GPD1L: variants seen among roughly 807,000 people sequenced by gnomAD.
GPD1L encodes glycerol-3-phosphate dehydrogenase 1 like, also known as glycerol-3-phosphate dehydrogenase 1-like protein.
A neutral mutation model predicts 32.9 loss-of-function variants in GPD1L; 17 were observed. That is an observed-to-expected ratio of 0.52 (90% CI 0.35 to 0.78). The LOEUF (loss-of-function observed/expected upper bound fraction) is 0.78. GPD1L is among the 30% of genes least tolerant of loss of function. The pLI, the probability that GPD1L is intolerant of heterozygous loss-of-function variation, is 0.01. For missense variants in GPD1L, 361 were observed against 447.8 expected, an observed-to-expected ratio of 0.81 and a Z score of 1.75; for synonymous variants, 187 against 165.9, an observed-to-expected ratio of 1.13 and a Z score of -0.98.
At chr3:32,150,729 G>A (rs948493998) in intron 5 of GPD1L, among the ~76,000 whole-genome samples, 2 of 151,910 alleles carry the variant, frequency 1.3e-5, no homozygotes, top group Non-Finnish European at 2.9e-5. Flanking sequence ...TATTACATCT[G>A]TAATGTACGT....
chr3:32,133,811 A>G (rs1300647233), intron 2 of GPD1L, among the ~76,000 whole-genome samples: 3 of 152,256 alleles, frequency 2.0e-5, no homozygotes, highest in African/African-American at 4.8e-5. Flanking sequence ...CATTGAGCAC[A>G]CACTGTGGAC....
intron 5 of GPD1L, 155 bp from the exon 6 acceptor site, chr3:32,158,721 C>T: frequency 6.7e-7 from 1 of 1,496,646 alleles, no homozygotes; most frequent in South Asian, 1.3e-5. Context: ...ATCTCTTTCA[C>T]CCAGGTGTAC....
At chr3:32,151,846 C>T (rs2125493873) in intron 5 of GPD1L, 1 of 153,054 alleles carries the variant, frequency 6.5e-6, no homozygotes, top group Admixed American at 6.5e-5. Context: ...TCTAAAAGGC[C>T]TGGAGAACAT....
At chr3:32,161,076 A>G (rs750864345) in intron 7 of GPD1L, among the ~76,000 whole-genome samples, 1 of 151,878 alleles carries the variant, frequency 6.6e-6, no homozygotes, top group Admixed American at 6.6e-5. Flanking sequence ...TGTTGTTGCT[A>G]TTATCTCTGG....
intron 1 of GPD1L, among the ~76,000 whole-genome samples, chr3:32,125,469 C>T (rs1700492961): frequency 6.6e-6 from 1 of 152,170 alleles, no homozygotes; most frequent in Admixed American, 6.5e-5. Flanking sequence ...TTTTGCTTCT[C>T]AGCGGGGTTT....
At chr3:32,163,234 T>G (rs1701096917) in intron 7 of GPD1L, among the ~76,000 whole-genome samples, 1 of 138,288 alleles carries the variant, frequency 7.2e-6, no homozygotes, top group African/African-American at 2.7e-5. Flanking sequence ...AGTGGCACGA[T>G]CTTGGCTCAC....
intron 2 of GPD1L, among the ~76,000 whole-genome samples, chr3:32,129,390 T>C (rs1460700097): frequency 6.6e-6 from 1 of 152,164 alleles, no homozygotes; most frequent in Non-Finnish European, 1.5e-5. Context: ...TGTGGGGAAG[T>C]TTTAGTTACA....
chr3:32,107,688 A>G (rs1167450701), intron 1 of GPD1L, among the ~76,000 whole-genome samples: 6 of 152,188 alleles, frequency 3.9e-5, no homozygotes. Context: ...GTGCTGCAGC[A>G]GCTGGTCCTA....
intron 1 of GPD1L, among the ~76,000 whole-genome samples, chr3:32,117,978 A>T (rs1303608501): frequency 1.3e-5 from 2 of 152,188 alleles, no homozygotes; most frequent in African/African-American, 4.8e-5. Context: ...CCATTTTTGT[A>T]CAGGCTGACA....
chr3:32,115,787 TTTTTTTTTTTTTTTTTTTTG>T lies in GPD1L; in HGVS notation c.47+9030_47+9049del, dbSNP rs1700325284. Among the ~76,000 whole-genome samples the T allele has an allele frequency of 3.2e-4, 18 of 57,016 alleles. 2 individuals carry two copies. Among genetic ancestry groups the T allele is most frequent in the South Asian group, 8.9e-4 (1 of 1,118 alleles). 37.4% of individuals were successfully genotyped at this position (57,016 alleles called of 152,430 possible). On this transcript the variant is annotated intron_variant, in intron 1 of 7. Transcript: ENST00000282541. ...TTTTTTTTTTTTTTTTTTTTTTTTT[TTTTTTTTTTTTTTTTTTTTG>T]AGACGGAGTCTCGCTCTGTTGCACA... is the stretch of plus-strand genomic sequence containing the variant.
At chr3:32,120,435 C>T (rs1700395631) in intron 1 of GPD1L, among the ~76,000 whole-genome samples, 1 of 152,154 alleles carries the variant, frequency 6.6e-6, no homozygotes, top group Non-Finnish European at 1.5e-5. Context: ...AATAGGATTT[C>T]AGCATGTTTC....
chr3:32,106,782 C>G lies in GPD1L; in HGVS notation c.47+24C>G. Reference sequence around the variant, plus strand: ...TGGTGAGCGGCGGCGGGCTGGAGGCCGGGGCTCCGCTTCCAGGAAGCGCCT... The same window carrying G: ...TGGTGAGCGGCGGCGGGCTGGAGGCGGGGGCTCCGCTTCCAGGAAGCGCCT... On this transcript the variant is annotated intron_variant, in intron 1 of 7. Coordinates refer to ENST00000282541, the MANE Select transcript of GPD1L (RefSeq NM_015141.4). The surrounding 1 kb of genome is among the most constrained non-coding windows in gnomAD (Gnocchi z 4.0). 1 of 1,550,852 alleles carries G rather than the reference C, an allele frequency of 6.4e-7. No homozygotes were observed. The highest frequency in any genetic ancestry group is 8.7e-7 in the Non-Finnish European group (1 of 1,149,076).
chr3:32,107,248 C>T (rs187942989), intron 1 of GPD1L, among the ~76,000 whole-genome samples: 6 of 152,246 alleles, frequency 3.9e-5, no homozygotes, highest in African/African-American at 1.2e-4. Flanking sequence ...CTTCAAGGTG[C>T]CCGTCTCGCC....
At chr3:32,159,140 T>A in intron 6 of GPD1L, 31 bp downstream of exon 6, 1 of 1,528,800 alleles carries the variant, frequency 6.5e-7, no homozygotes, top group Non-Finnish European at 9.1e-7. Flanking sequence ...CCGCACCCCC[T>A]CCTTCCTCAC....
At chr3:32,122,637 T>G (rs1225813152) in intron 1 of GPD1L, among the ~76,000 whole-genome samples, 2 of 152,218 alleles carry the variant, frequency 1.3e-5, no homozygotes, top group Non-Finnish European at 2.9e-5. Flanking sequence ...AAGTTCTGCC[T>G]TAGCTAGTTT....
At chr3:32,127,169 A>T (rs1469535872) in intron 1 of GPD1L, among the ~76,000 whole-genome samples, 2 of 151,936 alleles carry the variant, frequency 1.3e-5, no homozygotes, top group African/African-American at 4.8e-5. Flanking sequence ...TTGTCTTGAG[A>T]ATAATTGTGA....
chr3:32,119,883 T>G (rs1048730797), intron 1 of GPD1L, among the ~76,000 whole-genome samples: 1 of 152,148 alleles, frequency 6.6e-6, no homozygotes, highest in African/African-American at 2.4e-5. Flanking sequence ...GCTTCCTCCA[T>G]AGTAAAAAGA....
chr3:32,151,511 A>G, intron 5 of GPD1L: 1 of 307,054 alleles, frequency 3.3e-6, no homozygotes, highest in Non-Finnish European at 6.0e-6. Flanking sequence ...ACAGGGTCTC[A>G]CTCTGTTGCC....
At chr3:32,154,240 G>A (rs1392765398) in intron 5 of GPD1L, among the ~76,000 whole-genome samples, 1 of 152,160 alleles carries the variant, frequency 6.6e-6, no homozygotes, top group African/African-American at 2.4e-5. Flanking sequence ...CCCCTGGTGG[G>A]AAGGTTAAAT....
Sources: allele counts gnomAD v4.1 joint callset (sites outside exome capture counted in the v4.1 genomes callset), GRCh38; gene constraint gnomAD v4.1.1; non-coding constraint Gnocchi (gnomAD v3.1); transcripts MANE v1.5; gene names NCBI Gene and HGNC (gene_info 2026-07-23, HGNC 2026-07-21).